MSRB2: variants seen among roughly 807,000 people sequenced by gnomAD.
MSRB2 encodes the protein methionine-R-sulfoxide reductase B2, mitochondrial.
Under a neutral mutation model 19.0 loss-of-function variants are expected in MSRB2, and 17 were observed. That is an observed-to-expected ratio of 0.89 (90% CI 0.61 to 1.34). The LOEUF (loss-of-function observed/expected upper bound fraction) is 1.34. Ranked by LOEUF, MSRB2 falls within the 40% of genes most tolerant of loss-of-function variation. The probability of loss-of-function intolerance (pLI) is 0.00; values close to 1 mark genes in which losing one functional copy is unlikely to be tolerated. For missense variants in MSRB2, 208 were observed against 237.6 expected (o/e 0.88, Z 0.82); for synonymous variants, 107 against 99.7 (o/e 1.07, Z -0.44).
intron 1 of MSRB2, among the ~76,000 whole-genome samples, chr10:23,098,590 C>T (rs1201606926): frequency 2.6e-5 from 4 of 152,178 alleles, no homozygotes; most frequent in South Asian, 2.1e-4. Flanking sequence ...AGGATGAGCA[C>T]GTGGTGCAGA....
At chr10:23,110,188 A>T (rs1840033956) in intron 2 of MSRB2, 54 bp from the exon 3 acceptor site, 56 of 1,415,710 alleles carry the variant, frequency 4.0e-5, no homozygotes, top group Non-Finnish European at 5.6e-5. Flanking sequence ...TGCTGTTTCA[A>T]CTCCTGCCAG....
At chr10:23,099,391 T>A (rs1406899387) in intron 1 of MSRB2, among the ~76,000 whole-genome samples, 1 of 152,168 alleles carries the variant, frequency 6.6e-6, no homozygotes. Context: ...GTCTAAACAT[T>A]ATTGCCTACC....
intron 3 of MSRB2, among the ~76,000 whole-genome samples, chr10:23,113,168 G>A (rs1217377587): frequency 1.3e-5 from 2 of 152,164 alleles, no homozygotes; most frequent in Non-Finnish European, 2.9e-5. Context: ...AAAGTGAAGG[G>A]AAAGTTGGTC....
intron 1 of MSRB2, among the ~76,000 whole-genome samples, chr10:23,098,890 AC>A (rs1485790599): frequency 6.6e-5 from 10 of 152,328 alleles, no homozygotes; most frequent in African/African-American, 2.4e-4. Context: ...TCATTTTCAT[AC>A]GGTTCTGGAG....
At position 23,121,125 on chromosome 10, in the gene MSRB2, A is replaced by C. The variant is rs1209194653; in HGVS notation, c.*263A>C. On this transcript the variant is annotated 3_prime_UTR_variant, in exon 5 of 5. Coordinates refer to ENST00000376510, the MANE Select transcript of MSRB2 (RefSeq NM_012228.4). ...AAGAAAAACTAGAAAAATAAACAAA[A>C]TTAAAAAGAAAAAAAAATACCTGAG... 4 of 402,344 alleles carry C rather than the reference A, an allele frequency of 9.9e-6. No homozygotes were observed. The highest frequency in any genetic ancestry group is 1.3e-5 in the Non-Finnish European group (3 of 227,292). 24.9% of individuals were successfully genotyped at this position (402,344 alleles called of 1,614,324 possible). A position where few individuals can be genotyped will look rare whatever the true frequency, so the allele number is the denominator to read the frequency against.
At chr10:23,099,738 A>G (rs553615388) in intron 1 of MSRB2, among the ~76,000 whole-genome samples, 1 of 152,306 alleles carries the variant, frequency 6.6e-6, no homozygotes, top group South Asian at 2.1e-4. Context: ...TCTTAAAAAA[A>G]TTAGGGCAGA....
At chr10:23,109,531 A>G (rs1840026742) in intron 2 of MSRB2, among the ~76,000 whole-genome samples, 1 of 116,652 alleles carries the variant, frequency 8.6e-6, no homozygotes, top group African/African-American at 3.0e-5. Context: ...TGACAGTGAG[A>G]CTTCATCTCA....
Position 23,096,338 on chromosome 10 carries a change from G to GTCTCTCTCTCTC in MSRB2, c.118+616_118+627dup, listed in dbSNP as rs1235544329. ...GACCAGGGCGAGCCTGTGTGTGTGT[G>GTCTCTCTCTCTC]TCTCTCTCTCTCTCTGTGTGTGTGT... On this transcript the variant is annotated intron_variant, in intron 1 of 4. Transcript: ENST00000376510. Among the ~76,000 whole-genome samples the GTCTCTCTCTCTC allele has an allele frequency of 2.2e-5, 3 of 138,352 alleles. No individual in the cohort carries two copies. The East Asian group carries it at 6.4e-4, about 29-fold the overall frequency. The allele number at this position is 138,352 out of a possible 152,430, so 90.8% of individuals were successfully genotyped here. A position where few individuals can be genotyped will look rare whatever the true frequency, so the allele number is the denominator to read the frequency against.
chr10:23,110,124 C>T (rs7071483), intron 2 of MSRB2, 118 bp from the exon 3 acceptor site: 69,243 of 722,800 alleles, frequency 0.096, 4,102 homozygotes, highest in Non-Finnish European at 0.12. Context: ...ATTTGCACTT[C>T]GTCAAATTAG....
chr10:23,096,044 G>A (rs1839862223), intron 1 of MSRB2, among the ~76,000 whole-genome samples: 1 of 151,900 alleles, frequency 6.6e-6, no homozygotes. Context: ...GACCCCTATC[G>A]GGGACTCCAG....
chr10:23,119,394 C>G lies in MSRB2; in HGVS notation c.387C>G (p.Ile129Met). ...TSGSDESHTG[I>M]LRRLDTSLGS... ...GCTCTGATGAAAGCCACACAGGGAT[C>G]CTGAGACGTCTGGATACCTCGTTAG... The change falls in exon 4 of 5, where the codon ATC becomes ATG. Residue 129 changes from isoleucine (I) to methionine (M), a missense_variant. Transcript: ENST00000376510. 6.2e-7 allele frequency: 1 copy of G among 1,614,132 alleles called. No individual in the cohort carries two copies. Among genetic ancestry groups the G allele is most frequent in the Non-Finnish European group, 8.5e-7 (1 of 1,180,028 alleles).
intron 1 of MSRB2, among the ~76,000 whole-genome samples, chr10:23,100,664 C>A (rs1588967184): frequency 6.6e-6 from 1 of 152,160 alleles, no homozygotes; most frequent in South Asian, 2.1e-4. Flanking sequence ...AACCAGATCT[C>A]TCGATAACTC....
chr10:23,115,702 C>T (rs1840103279), intron 3 of MSRB2, among the ~76,000 whole-genome samples: 3 of 152,178 alleles, frequency 2.0e-5, no homozygotes, highest in African/African-American at 7.2e-5. Context: ...TTCTGATTGG[C>T]TTTAATATTT....
At chr10:23,111,569 G>GC (rs1388242759) in intron 3 of MSRB2, among the ~76,000 whole-genome samples, 1 of 152,086 alleles carries the variant, frequency 6.6e-6, no homozygotes, top group Non-Finnish European at 1.5e-5. Flanking sequence ...ATCTGAAAAA[G>GC]GGGGGGACTT....
chr10:23,095,640 T>G lies in MSRB2; in HGVS notation c.32T>G (p.Leu11Arg). 1 of 1,452,406 alleles carries G rather than the reference T, an allele frequency of 6.9e-7. No homozygotes were observed. The highest frequency in any genetic ancestry group is 9.0e-7 in the Non-Finnish European group (1 of 1,108,248). The allele number at this position is 1,452,406 out of a possible 1,614,324, so 90.0% of individuals were successfully genotyped here. A position where few individuals can be genotyped will look rare whatever the true frequency, so the allele number is the denominator to read the frequency against. The change falls in exon 1 of 5, where the codon CTG (leucine) becomes CGG (arginine). Residue 11 changes from leucine (L) to arginine (R), a missense_variant. Leu to Arg is a moderately radical substitution (Grantham distance 102). Transcript: ENST00000376510. Reference protein sequence around the residue: MARLLWLLRGLTLGTAPRRAV... With the variant: MARLLWLLRGRTLGTAPRRAV... ...CGGCTCCTCTGGTTGCTCCGGGGCC[T>G]GACCCTCGGAACTGCGCCTCGGCGG...
chr10:23,108,371 G>C (rs1840006710), intron 2 of MSRB2, among the ~76,000 whole-genome samples: 1 of 152,070 alleles, frequency 6.6e-6, no homozygotes, highest in Admixed American at 6.5e-5. Context: ...TTTCCAGGCT[G>C]TCTGGATCCT....
At chr10:23,115,205 C>A (rs1564431106) in intron 3 of MSRB2, among the ~76,000 whole-genome samples, 1 of 152,204 alleles carries the variant, frequency 6.6e-6, no homozygotes, top group African/African-American at 2.4e-5. Flanking sequence ...ACTCCAGACT[C>A]TCTTTCCTTA....
chr10:23,120,395 G>T (rs1332154560), intron 4 of MSRB2, among the ~76,000 whole-genome samples: 2 of 152,092 alleles, frequency 1.3e-5, no homozygotes, highest in East Asian at 3.9e-4. Flanking sequence ...AATACACTGG[G>T]TACTACAATA....
intron 3 of MSRB2, among the ~76,000 whole-genome samples, chr10:23,115,220 G>A (rs1270821358): frequency 2.0e-5 from 3 of 152,096 alleles, no homozygotes; most frequent in Non-Finnish European, 4.4e-5. Context: ...TCCTTAACTC[G>A]GAATGAAGTG....
Sources: allele counts gnomAD v4.1 joint callset (sites outside exome capture counted in the v4.1 genomes callset), GRCh38; gene constraint gnomAD v4.1.1; transcripts MANE v1.5; gene names NCBI Gene and HGNC (gene_info 2026-07-23, HGNC 2026-07-21).